Variants in PDZD2 observed in about 807,000 individuals in gnomAD.
PDZD2 encodes the protein PDZ domain containing 2, also known as PDZ domain-containing protein 2.
Under a neutral mutation model 220.7 loss-of-function variants are expected in PDZD2, and 90 were observed. The ratio of observed to expected loss-of-function variants is 0.41; its 90% confidence interval spans 0.34 to 0.49. The LOEUF (loss-of-function observed/expected upper bound fraction) is 0.49. Among genes scored for constraint, PDZD2 ranks in the 20% least tolerant of loss-of-function variants. The pLI, the probability that PDZD2 is intolerant of heterozygous loss-of-function variation, is 0.28. For synonymous variants in PDZD2, 1,375 were observed against 1,450.5 expected (o/e 0.95, Z 1.18); for missense variants, 3,174 against 3,608.5 (o/e 0.88, Z 3.08).
intron 1 of PDZD2, among the ~76,000 whole-genome samples, chr5:31,706,976 G>A (rs974463880): frequency 6.6e-6 from 1 of 152,008 alleles, no homozygotes; most frequent in African/African-American, 2.4e-5. Context: ...ATGTTTGGAG[G>A]TAGGGCTTTT....
chr5:31,706,411 T>C (rs1331731621), intron 1 of PDZD2, among the ~76,000 whole-genome samples: 1 of 151,750 alleles, frequency 6.6e-6, no homozygotes, highest in Admixed American at 6.6e-5. Context: ...AGGACTGGTA[T>C]GGGCAGTAGG....
At chr5:32,084,775 G>A (rs571992192) in intron 19 of PDZD2, among the ~76,000 whole-genome samples, 1 of 152,026 alleles carries the variant, frequency 6.6e-6, no homozygotes, top group Admixed American at 6.5e-5. Flanking sequence ...TGTCTGAGGT[G>A]GAAGATTAGC....
intron 2 of PDZD2, among the ~76,000 whole-genome samples, chr5:31,848,677 A>G (rs1757735354): frequency 6.6e-6 from 1 of 151,848 alleles, no homozygotes; most frequent in Non-Finnish European, 1.5e-5. Context: ...TGAACCCGGG[A>G]GGCAGAGGTT....
chr5:31,797,936 C>T (rs1178171103), intron 1 of PDZD2, among the ~76,000 whole-genome samples: 4 of 152,074 alleles, frequency 2.6e-5, no homozygotes, highest in Non-Finnish European at 2.9e-5. Context: ...CAGAGAAGAG[C>T]GTGAAAGGGA....
intron 6 of PDZD2, among the ~76,000 whole-genome samples, chr5:32,031,809 A>G (rs73072260): frequency 0.011 from 1,710 of 152,322 alleles, 31 homozygotes; most frequent in African/African-American, 0.039. Context: ...ATAACCCTGT[A>G]AGACAATTGC....
intron 2 of PDZD2, chr5:31,823,119 G>A: frequency 6.0e-6 from 3 of 497,614 alleles, no homozygotes; most frequent in South Asian, 5.0e-5. Context: ...CAGTCTGATT[G>A]CTGAGAATGG....
intron 1 of PDZD2, among the ~76,000 whole-genome samples, chr5:31,641,356 G>A (rs1301002458): frequency 1.3e-5 from 2 of 152,276 alleles, no homozygotes; most frequent in East Asian, 3.9e-4. Flanking sequence ...CATTTTGGGA[G>A]TATGGAGGAA....
chr5:31,976,655 T>C (rs974405902), intron 2 of PDZD2, among the ~76,000 whole-genome samples: 1 of 151,886 alleles, frequency 6.6e-6, no homozygotes, highest in African/African-American at 2.4e-5. Flanking sequence ...CAGTGCCCAG[T>C]GGTGGTGATA....
intron 1 of PDZD2, among the ~76,000 whole-genome samples, chr5:31,644,363 G>C (rs1745057496): frequency 6.6e-6 from 1 of 152,228 alleles, no homozygotes; most frequent in Non-Finnish European, 1.5e-5. Flanking sequence ...AGCGGGGAGT[G>C]TTTGAAGCCA....
chr5:31,932,863 T>G (rs571962242), intron 2 of PDZD2, among the ~76,000 whole-genome samples: 4 of 151,896 alleles, frequency 2.6e-5, no homozygotes, highest in Non-Finnish European at 4.4e-5. Flanking sequence ...TCATATAGGG[T>G]TTGTCCTTTT....
chr5:31,729,729 C>A (rs927329783), intron 1 of PDZD2, among the ~76,000 whole-genome samples: 2 of 152,144 alleles, frequency 1.3e-5, no homozygotes, highest in African/African-American at 4.8e-5. Flanking sequence ...ACTTTTCTAC[C>A]CAAAGAACTG....
At chr5:31,721,659 A>G (rs1748804738) in intron 1 of PDZD2, among the ~76,000 whole-genome samples, 1 of 151,738 alleles carries the variant, frequency 6.6e-6, no homozygotes, top group Non-Finnish European at 1.5e-5. Context: ...CCTCAAATGC[A>G]ATTAAATTAT....
chr5:31,915,950 G>A (rs577274065), intron 2 of PDZD2, among the ~76,000 whole-genome samples: 13 of 152,292 alleles, frequency 8.5e-5, no homozygotes, highest in African/African-American at 2.9e-4. Context: ...GACTCCAAGT[G>A]TCAGCTTATA....
At chr5:32,001,363 T>C (rs1752089879) in intron 5 of PDZD2, among the ~76,000 whole-genome samples, 1 of 152,204 alleles carries the variant, frequency 6.6e-6, no homozygotes, top group Non-Finnish European at 1.5e-5. Context: ...GCTTCTGCTC[T>C]CACTTGTGGC....
chr5:31,658,496 A>C (rs1007952529), intron 1 of PDZD2, among the ~76,000 whole-genome samples: 1 of 151,750 alleles, frequency 6.6e-6, no homozygotes, highest in East Asian at 1.9e-4. Flanking sequence ...TCTGCCGTTA[A>C]CCTCTCTGTG....
chr5:31,715,192 T>C (rs1305180369), intron 1 of PDZD2, among the ~76,000 whole-genome samples: 1 of 152,174 alleles, frequency 6.6e-6, no homozygotes, highest in African/African-American at 2.4e-5. Flanking sequence ...GATTTCTGTC[T>C]GTTCCTCTCC....
chr5:31,656,045 A>G (rs1745536273), intron 1 of PDZD2, among the ~76,000 whole-genome samples: 1 of 152,234 alleles, frequency 6.6e-6, no homozygotes, highest in African/African-American at 2.4e-5. Context: ...TTCGATGCAC[A>G]GGCATAGACC....
chr5:31,675,892 C>T (rs62349085), intron 1 of PDZD2, among the ~76,000 whole-genome samples: 253 of 152,184 alleles, frequency 1.7e-3, no homozygotes, highest in Non-Finnish European at 2.9e-3. Flanking sequence ...GGTAGAGACA[C>T]TGTTCTACCA....
chr5:31,733,172 G>T (rs1311305286), intron 1 of PDZD2, among the ~76,000 whole-genome samples: 1 of 152,214 alleles, frequency 6.6e-6, no homozygotes, highest in African/African-American at 2.4e-5. Context: ...AGAATTCGGG[G>T]TGGGTTACCT....
Sources: gnomAD v4.1 joint callset for allele counts (sites outside exome capture counted in the v4.1 genomes callset) on GRCh38, gnomAD v4.1.1 for gene constraint, MANE v1.5 for transcripts, NCBI Gene and HGNC (gene_info 2026-07-23, HGNC 2026-07-21) for gene names.